Variants in PDE1A observed in about 807,000 individuals in gnomAD.
The protein encoded by PDE1A is phosphodiesterase 1A.
Under a neutral mutation model 61.7 loss-of-function variants are expected in PDE1A, and 35 were observed. The observed-to-expected ratio is 0.57, with a 90% CI of 0.43 to 0.75. The LOEUF is 0.75. Ranked by LOEUF, PDE1A falls within the 30% of genes least tolerant of loss-of-function variation. PDE1A has a pLI of 0.00. For synonymous variants in PDE1A, 232 were observed against 213.2 expected, an observed-to-expected ratio of 1.09 and a Z score of -0.77; for missense variants, 597 against 630.6, an observed-to-expected ratio of 0.95 and a Z score of 0.57.
chr2:182,352,510 A>G (rs1698941450), intron 1 of PDE1A, among the ~76,000 whole-genome samples: 1 of 152,234 alleles, frequency 6.6e-6, no homozygotes, highest in Non-Finnish European at 1.5e-5. Flanking sequence ...ATACTGAAAC[A>G]AAATAAAAAT....
At chr2:182,286,071 C>A (rs1310160972) in intron 1 of PDE1A, among the ~76,000 whole-genome samples, 1 of 152,098 alleles carries the variant, frequency 6.6e-6, no homozygotes, top group East Asian at 1.9e-4. Flanking sequence ...AAGTGCTTAG[C>A]ACAATGGCAT....
At chr2:182,438,177 C>T (rs143338034) in intron 2 of PDE1A, among the ~76,000 whole-genome samples, 2 of 152,006 alleles carry the variant, frequency 1.3e-5, no homozygotes, top group African/African-American at 4.8e-5. Flanking sequence ...TACAGTTCCC[C>T]TGATCTCCAA....
intron 13 of PDE1A, among the ~76,000 whole-genome samples, chr2:182,182,372 A>G (rs1304586568): frequency 6.6e-6 from 1 of 151,956 alleles, no homozygotes; most frequent in African/African-American, 2.4e-5. Flanking sequence ...CCCTCCTTCT[A>G]CTCACACATA....
intron 2 of PDE1A, among the ~76,000 whole-genome samples, chr2:182,498,934 C>A (rs1688903417): frequency 6.6e-6 from 1 of 151,894 alleles, no homozygotes; most frequent in African/African-American, 2.4e-5. Context: ...CAGAGCGAGA[C>A]TCCATCTCAA....
chr2:182,450,783 GAA>G (rs202189947), intron 2 of PDE1A, among the ~76,000 whole-genome samples: 1 of 132,376 alleles, frequency 7.6e-6, no homozygotes, highest in Admixed American at 7.3e-5. Flanking sequence ...AAGACACAAA[GAA>G]AAAAAAAAAG....
intron 1 of PDE1A, among the ~76,000 whole-genome samples, chr2:182,300,675 A>G (rs1695182330): frequency 6.6e-6 from 1 of 152,236 alleles, no homozygotes; most frequent in Non-Finnish European, 1.5e-5. Flanking sequence ...AAATAATTAT[A>G]GAAGTAGGCA....
chr2:182,426,100 T>C (rs536586837), intron 1 of PDE1A, among the ~76,000 whole-genome samples: 2 of 152,198 alleles, frequency 1.3e-5, no homozygotes, highest in African/African-American at 4.8e-5. Context: ...ACTGCTGGTC[T>C]GATATTCCTG....
intron 2 of PDE1A, among the ~76,000 whole-genome samples, chr2:182,468,461 C>T (rs1486751973): frequency 1.3e-5 from 2 of 152,004 alleles, no homozygotes; most frequent in African/African-American, 4.8e-5. Context: ...AATTTGGCCA[C>T]ATCTTCAGGC....
intron 2 of PDE1A, among the ~76,000 whole-genome samples, chr2:182,500,953 T>C (rs1001431333): frequency 3.9e-5 from 6 of 152,260 alleles, no homozygotes; most frequent in Non-Finnish European, 7.3e-5. Context: ...TTTTGTATCA[T>C]TGTTTTATGT....
At chr2:182,255,478 A>G (rs539676320) in intron 2 of PDE1A, among the ~76,000 whole-genome samples, 24 of 152,226 alleles carry the variant, frequency 1.6e-4, no homozygotes, top group Admixed American at 1.3e-3. Context: ...CTCATTATTC[A>G]TACGTTAGCC....
At chr2:182,668,677 C>A in the PDE1A span, among the ~76,000 whole-genome samples, 1 of 152,086 alleles carries the variant, frequency 6.6e-6, no homozygotes, top group Non-Finnish European at 1.5e-5. Context: ...GCCTTTGTCT[C>A]GGCTGCCTGC....
At chr2:182,643,449 C>A in the PDE1A span, among the ~76,000 whole-genome samples, 2 of 152,126 alleles carry the variant, frequency 1.3e-5, no homozygotes, top group African/African-American at 2.4e-5. Context: ...CTCAGTCTTA[C>A]CTTGTCTTTT....
the PDE1A span, among the ~76,000 whole-genome samples, chr2:182,678,695 T>C: frequency 1.3e-5 from 2 of 152,178 alleles, no homozygotes; most frequent in Non-Finnish European, 2.9e-5. Context: ...ACTAGGATGT[T>C]GTTTACTATA....
the PDE1A span, among the ~76,000 whole-genome samples, chr2:182,590,467 CA>C: frequency 3.4e-5 from 5 of 147,626 alleles, no homozygotes; most frequent in African/African-American, 2.5e-5. Context: ...GACCCTGTCT[CA>C]AAAAAAAAAT....
intron 1 of PDE1A, among the ~76,000 whole-genome samples, chr2:182,412,597 T>C (rs1159374325): frequency 6.6e-6 from 1 of 152,214 alleles, no homozygotes. Context: ...CACAAATAAA[T>C]TAGACTAGAA....
chr2:182,197,200 A>C (rs1459998893), intron 10 of PDE1A, among the ~76,000 whole-genome samples: 1 of 151,768 alleles, frequency 6.6e-6, no homozygotes, highest in East Asian at 1.9e-4. Flanking sequence ...CTTGTATGTA[A>C]GTATTACCTA....
At chr2:182,236,276 C>A (rs1690003260) in intron 3 of PDE1A, among the ~76,000 whole-genome samples, 1 of 148,398 alleles carries the variant, frequency 6.7e-6, no homozygotes. Flanking sequence ...TCTAATCTTG[C>A]AAAGCAAGGA....
chr2:182,576,314 C>A, the PDE1A span, among the ~76,000 whole-genome samples: 4 of 152,036 alleles, frequency 2.6e-5, no homozygotes, highest in Non-Finnish European at 1.5e-5. Flanking sequence ...AGAATGGCAC[C>A]ATATTTGTCT....
At chr2:182,591,326 A>G in the PDE1A span, among the ~76,000 whole-genome samples, 2 of 152,190 alleles carry the variant, frequency 1.3e-5, no homozygotes, top group Admixed American at 6.5e-5. Flanking sequence ...AGGCACAAAA[A>G]CAGTTAAGTC....
Sources: allele counts gnomAD v4.1 joint callset (sites outside exome capture counted in the v4.1 genomes callset), GRCh38; gene constraint gnomAD v4.1.1; transcripts MANE v1.5; gene names NCBI Gene and HGNC (gene_info 2026-07-23, HGNC 2026-07-21).